Variants in CREBRF observed in about 807,000 individuals in gnomAD.
CREBRF encodes UPF0474 protein C5orf41.
Under a neutral mutation model 66.1 loss-of-function variants are expected in CREBRF, and 5 were observed. The observed-to-expected ratio is 0.08, with a 90% CI of 0.04 to 0.16. CREBRF has a LOEUF of 0.16. Among genes scored for constraint, CREBRF ranks in the 10% least tolerant of loss-of-function variants. The probability of loss-of-function intolerance (pLI) is 1.00; values close to 1 mark genes in which losing one functional copy is unlikely to be tolerated. For synonymous variants in CREBRF, 229 were observed against 264.4 expected (o/e 0.87, Z 1.30); for missense variants, 531 against 744.9 (o/e 0.71, Z 3.34).
At chr5:173,098,362 A>AT (rs995191546) in intron 4 of CREBRF, among the ~76,000 whole-genome samples, 12 of 151,576 alleles carry the variant, frequency 7.9e-5, no homozygotes, top group African/African-American at 2.7e-4. Flanking sequence ...AATTTTTTGT[A>AT]TTTTTTAGTA....
chr5:173,100,431 C>CT (rs1047588184), intron 4 of CREBRF, among the ~76,000 whole-genome samples: 101 of 146,932 alleles, frequency 6.9e-4, no homozygotes, highest in Non-Finnish European at 1.0e-3. Flanking sequence ...TTTTTCTTTT[C>CT]TTTTTTTTTT....
At chr5:173,083,503 A>G (rs1409875454) in intron 2 of CREBRF, among the ~76,000 whole-genome samples, 5 of 152,164 alleles carry the variant, frequency 3.3e-5, no homozygotes, top group Non-Finnish European at 7.3e-5. Context: ...TTCATGCCCA[A>G]GTTACTGGTC....
chr5:173,112,028 C>T (rs1758881976), intron 6 of CREBRF, among the ~76,000 whole-genome samples: 1 of 151,982 alleles, frequency 6.6e-6, no homozygotes, highest in Non-Finnish European at 1.5e-5. Context: ...GTTGTGTTTT[C>T]TGGTAACTCA....
chr5:173,100,931 C>T (rs1740868739), intron 4 of CREBRF, among the ~76,000 whole-genome samples: 1 of 151,992 alleles, frequency 6.6e-6, no homozygotes, highest in African/African-American at 2.4e-5. Context: ...GCAATCTTCC[C>T]AGTTCAGTCC....
At chr5:173,072,486 C>G (rs761787577) in intron 1 of CREBRF, among the ~76,000 whole-genome samples, 74 of 152,024 alleles carry the variant, frequency 4.9e-4, no homozygotes, top group Non-Finnish European at 1.3e-4. Context: ...CCGTGTTAGC[C>G]AGGATGGTCT....
At chr5:173,116,577 G>A (rs1445063587) in intron 7 of CREBRF, among the ~76,000 whole-genome samples, 1 of 151,992 alleles carries the variant, frequency 6.6e-6, no homozygotes, top group African/African-American at 2.4e-5. Flanking sequence ...CCTTTTTATT[G>A]CTAACTAGTA....
intron 4 of CREBRF, among the ~76,000 whole-genome samples, chr5:173,097,225 C>T (rs908455172): frequency 2.6e-5 from 4 of 151,842 alleles, no homozygotes; most frequent in African/African-American, 9.7e-5. Context: ...GTGAAGTCAG[C>T]AGGCCCTTGG....
At chr5:173,075,292 C>T (rs1360974228) in intron 1 of CREBRF, among the ~76,000 whole-genome samples, 2 of 152,156 alleles carry the variant, frequency 1.3e-5, no homozygotes, top group Non-Finnish European at 2.9e-5. Flanking sequence ...TATAGTGATT[C>T]ACCTGCAGTT....
At chr5:173,108,407 T>C (rs1163562185) in intron 4 of CREBRF, among the ~76,000 whole-genome samples, 1 of 152,168 alleles carries the variant, frequency 6.6e-6, no homozygotes, top group African/African-American at 2.4e-5. Flanking sequence ...ATGAACAGTG[T>C]AGTTATCTAT....
At chr5:173,123,059 G>A in intron 7 of CREBRF, 21 bp from the exon 8 acceptor site, 1 of 1,563,442 alleles carries the variant, frequency 6.4e-7, no homozygotes, top group South Asian at 1.2e-5. Context: ...CATATTCCAA[G>A]TGTTTTGTTC....
intron 8 of CREBRF, among the ~76,000 whole-genome samples, chr5:173,130,260 A>T (rs1350792625): frequency 6.6e-6 from 1 of 152,164 alleles, no homozygotes; most frequent in East Asian, 1.9e-4. Flanking sequence ...AAGATCTGCT[A>T]GAGTTTGTTT....
intron 8 of CREBRF, 167 bp downstream of exon 8, chr5:173,123,369 CAT>C (rs1759188837): frequency 1.2e-5 from 7 of 572,286 alleles, no homozygotes; most frequent in Middle Eastern, 4.5e-4. Flanking sequence ...TGTTCATAAA[CAT>C]GTGTTGCAGG....
Position 173,086,322 on chromosome 5 carries a change from TAAG to T in CREBRF, c.10-178_10-176del, listed in dbSNP as rs1334681086. ...TCTATTTTTAGGTATTTTCCTAATATAAGTCTACAGTTCAGTGTTAGCCAAAGC... is the reference window on the plus strand; with the variant it reads ...TCTATTTTTAGGTATTTTCCTAATATTCTACAGTTCAGTGTTAGCCAAAGC... On this transcript the variant is annotated intron_variant, in intron 2 of 8. Transcript: ENST00000296953. 1.3e-4 allele frequency: 87 copies of T among 652,882 alleles called. No individual in the cohort carries two copies. The African/African-American group carries it at 1.4e-3, about 11-fold the overall frequency. 40.4% of individuals were successfully genotyped at this position (652,882 alleles called of 1,614,324 possible). A position where few individuals can be genotyped will look rare whatever the true frequency, so the allele number is the denominator to read the frequency against.
At chr5:173,113,710 GAA>G (rs1273980087) in intron 7 of CREBRF, among the ~76,000 whole-genome samples, 1 of 152,174 alleles carries the variant, frequency 6.6e-6, no homozygotes, top group East Asian at 1.9e-4. Flanking sequence ...AGCACATGTA[GAA>G]AATTATCATC....
intron 4 of CREBRF, among the ~76,000 whole-genome samples, chr5:173,106,412 G>A (rs967439770): frequency 1.1e-4 from 16 of 151,684 alleles, no homozygotes; most frequent in Admixed American, 2.0e-4. Context: ...CCTGGGCGAC[G>A]GAGCAAGACT....
intron 8 of CREBRF, among the ~76,000 whole-genome samples, chr5:173,131,730 AC>A (rs1215513528): frequency 7.4e-6 from 1 of 134,366 alleles, no homozygotes; most frequent in African/African-American, 2.8e-5. Context: ...ACACACACAC[AC>A]TTTTTTTTGT....
intron 1 of CREBRF, among the ~76,000 whole-genome samples, chr5:173,062,171 A>T (rs889972207): frequency 4.6e-5 from 7 of 152,128 alleles, no homozygotes. Flanking sequence ...ATATGCTAAT[A>T]TTTCGGTCTG....
rs1759530471 is a variant in CREBRF, at chr5:173,133,906, A to G, written c.*161A>G. ...TAGCATAAGTGAAGCATGATCCAAA[A>G]TACTTGATTATTGCATTTTCAGAGC... On this transcript the variant is annotated 3_prime_UTR_variant, in exon 9 of 9. Coordinates refer to ENST00000296953, the MANE Select transcript of CREBRF (RefSeq NM_153607.3). 2.2e-6 allele frequency: 1 copy of G among 451,152 alleles called. No individual in the cohort carries two copies. Among genetic ancestry groups the G allele is most frequent in the African/African-American group, 2.0e-5 (1 of 49,024 alleles). 27.9% of individuals were successfully genotyped at this position (451,152 alleles called of 1,614,324 possible).
chr5:173,120,683 CTTTTTTTT>C (rs70984942), intron 7 of CREBRF, among the ~76,000 whole-genome samples: 2 of 51,218 alleles, frequency 3.9e-5, no homozygotes, highest in East Asian at 6.0e-4. Flanking sequence ...GCCTGAGCCT[CTTTTTTTT>C]TTTTTTTTTT....
Sources: gnomAD v4.1 joint callset for allele counts (sites outside exome capture counted in the v4.1 genomes callset) on GRCh38, gnomAD v4.1.1 for gene constraint, MANE v1.5 for transcripts, NCBI Gene and HGNC (gene_info 2026-07-23, HGNC 2026-07-21) for gene names.